TAS1R2: variants seen among roughly 807,000 people sequenced by gnomAD.
The protein encoded by TAS1R2 is taste receptor type 1 member 2.
TAS1R2 carries 47 observed loss-of-function variants against 49.3 expected under a neutral mutation model. That is an observed-to-expected ratio of 0.95 (90% CI 0.75 to 1.22). TAS1R2 has a LOEUF of 1.22. TAS1R2 is among the 50% of genes most tolerant of loss of function. The probability of loss-of-function intolerance (pLI) is 0.00; values close to 1 mark genes in which losing one functional copy is unlikely to be tolerated. For missense variants in TAS1R2, 1,155 were observed against 1,122.1 expected (o/e 1.03, Z -0.42); for synonymous variants, 479 against 467.9 (o/e 1.02, Z -0.31).
At chr1:18,853,026 T>G (rs1472032739) in intron 3 of TAS1R2, among the ~76,000 whole-genome samples, 1 of 152,204 alleles carries the variant, frequency 6.6e-6, no homozygotes, top group Non-Finnish European at 1.5e-5. Context: ...TCAACTGTCT[T>G]TCATCATAGC....
At chr1:18,848,048 T>C (rs28568913) in intron 4 of TAS1R2, among the ~76,000 whole-genome samples, 63,216 of 152,032 alleles carry the variant, frequency 0.42, 13,460 homozygotes, top group East Asian at 0.55. Flanking sequence ...TATCTCACAC[T>C]GGATCCCTCT....
rs139685223 is a variant in TAS1R2 at position 18,859,621 on chromosome 1, G to C, written c.40C>G (p.Leu14Val). 1.8e-4 allele frequency: 288 copies of C among 1,614,128 alleles called. 2 individuals carry two copies. Among genetic ancestry groups the C allele is most frequent in the Middle Eastern group, 1.6e-4 (1 of 6,084 alleles). Residue 14 changes from leucine (L) to valine (V), a missense_variant, in exon 1 of 6, where the codon CTC (leucine) becomes GTC (valine). Leu to Val is a conservative substitution (Grantham distance 32, BLOSUM62 1). Transcript: ENST00000375371. ...GCCGGCTCAGCCAGGACCCATAGGAGGAAGAACAGGGAGGAGATGGTCTTT... is the reference window on the plus strand; with the variant it reads ...GCCGGCTCAGCCAGGACCCATAGGACGAAGAACAGGGAGGAGATGGTCTTT...
At chr1:18,846,466 G>A (rs1933922029) in intron 4 of TAS1R2, among the ~76,000 whole-genome samples, 1 of 152,160 alleles carries the variant, frequency 6.6e-6, no homozygotes, top group Admixed American at 6.5e-5. Flanking sequence ...CATGTATCAT[G>A]TCCTGGAATA....
chr1:18,854,725 T>C lies in TAS1R2; in HGVS notation c.745A>G (p.Met249Val), dbSNP rs1291858960. Residue 249 changes from methionine to valine, a missense_variant, in exon 3 of 6, where the codon ATG becomes GTG. By Grantham distance (21) the Met-to-Val change is conservative (BLOSUM62 1). Transcript: ENST00000375371. This position sits in a 1 kb window ranked among gnomAD's most constrained non-coding sequence, Gnocchi z 4.9. Reference sequence around the variant, plus strand: ...AGGCGCTGGCGCTCCTCTGACGTCATGTTCTGGTTGGGCTGCAGTGTGGGC... The same window carrying C: ...AGGCGCTGGCGCTCCTCTGACGTCACGTTCTGGTTGGGCTGCAGTGTGGGC... 3 of 1,612,922 alleles carry C rather than the reference T, an allele frequency of 1.9e-6. No homozygotes were observed. The highest frequency in any genetic ancestry group is 2.2e-5 in the South Asian group (2 of 91,042).
At chr1:18,844,742 A>G (rs1933885698) in intron 4 of TAS1R2, among the ~76,000 whole-genome samples, 1 of 135,942 alleles carries the variant, frequency 7.4e-6, no homozygotes, top group Admixed American at 7.6e-5. Context: ...CGACAGAGCG[A>G]GACTGTCTCA....
At chr1:18,842,597 A>T (rs983788341) in intron 4 of TAS1R2, among the ~76,000 whole-genome samples, 2 of 152,246 alleles carry the variant, frequency 1.3e-5, no homozygotes, top group African/African-American at 4.8e-5. Context: ...AAATTAAACA[A>T]CATACCCTTA....
intron 4 of TAS1R2, among the ~76,000 whole-genome samples, chr1:18,842,759 A>G (rs558273486): frequency 1.9e-4 from 29 of 152,362 alleles, no homozygotes; most frequent in African/African-American, 5.1e-4. Context: ...TCATAGAAAC[A>G]TAAAGTAGAA....
At chr1:18,840,605 A>G (rs1933805800) in intron 5 of TAS1R2, 78 bp from the exon 6 acceptor site, 1 of 1,501,538 alleles carries the variant, frequency 6.7e-7, no homozygotes, top group Non-Finnish European at 9.2e-7. Context: ...GCACAGGGCC[A>G]GGCTCCAGGG....
rs773306695 is a variant in TAS1R2, at chr1:18,840,445, GA to G, written c.1673del (p.Phe558SerfsTer28). The G allele has an allele frequency of 3.7e-6, 6 of 1,614,088 alleles. No homozygotes were observed. Among genetic ancestry groups the G allele is most frequent in the Non-Finnish European group, 3.4e-6 (4 of 1,180,050 alleles). On this transcript the variant is annotated frameshift_variant, in exon 6 of 6. Coordinates refer to ENST00000375371, the Ensembl canonical transcript of TAS1R2. LOFTEE classifies it low-confidence loss of function (END_TRUNC). Reference sequence around the variant, plus strand: ...TGGTGGGTGCCTCATGCCATTCCAGGAAGACCAGCTGCCGCTTGAAGCAGGA... The same window carrying G: ...TGGTGGGTGCCTCATGCCATTCCAGGAGACCAGCTGCCGCTTGAAGCAGGA...
intron 3 of TAS1R2, among the ~76,000 whole-genome samples, chr1:18,852,979 G>A (rs974951417): frequency 2.0e-5 from 3 of 152,230 alleles, no homozygotes; most frequent in Admixed American, 2.0e-4. Flanking sequence ...GCTATGATTG[G>A]TGCCCTTTGG....
intron 4 of TAS1R2, among the ~76,000 whole-genome samples, chr1:18,847,670 AAG>A (rs1443527015): frequency 6.6e-6 from 1 of 152,144 alleles, no homozygotes; most frequent in Non-Finnish European, 1.5e-5. Context: ...CTACTCTCTA[AAG>A]AGGGTAAAAT....
chr1:18,850,835 G>A (rs1934009219), intron 3 of TAS1R2, among the ~76,000 whole-genome samples: 1 of 152,194 alleles, frequency 6.6e-6, no homozygotes, highest in Non-Finnish European at 1.5e-5. Flanking sequence ...AGCATAAGCT[G>A]TACATTTAAG....
rs756284683 is a variant in TAS1R2 at position 18,854,323 on chromosome 1, G to A, written c.1147C>T (p.Arg383Cys). The change falls in exon 3 of 6, where the codon CGT becomes TGT. Residue 383 changes from arginine (R) to cysteine (C), a missense_variant. By Grantham distance (180) the Arg-to-Cys change is radical. Coordinates refer to ENST00000375371, the Ensembl canonical transcript of TAS1R2. The surrounding 1 kb of genome is among the most constrained non-coding windows in gnomAD (Gnocchi z 4.9). ...GCAGAGTACACGCTGTAGACGACAC[G>A]CTCCCCAGAGAGCCTGAGAATGGTG... The A allele has an allele frequency of 6.2e-6, 10 of 1,613,858 alleles. No homozygotes were observed. Among genetic ancestry groups the A allele is most frequent in the Middle Eastern group, 1.6e-4 (1 of 6,084 alleles).
In TAS1R2 at chr1:18,854,340, A is replaced by T; in HGVS notation, c.1130T>A (p.Leu377His). Residue 377 changes from leucine to histidine, a missense_variant, in exon 3 of 6, where the codon CTC becomes CAC. Coordinates refer to ENST00000375371, the Ensembl canonical transcript of TAS1R2. This position sits in a 1 kb window ranked among gnomAD's most constrained non-coding sequence, Gnocchi z 4.9. ...GACGACACGCTCCCCAGAGAGCCTGAGAATGGTGTTGAAGGACAAGGTGGC... is the reference window on the plus strand; with the variant it reads ...GACGACACGCTCCCCAGAGAGCCTGTGAATGGTGTTGAAGGACAAGGTGGC... 1.2e-6 allele frequency: 2 copies of T among 1,613,966 alleles called. No individual in the cohort carries two copies. The highest frequency in any genetic ancestry group is 1.7e-6 in the Non-Finnish European group (2 of 1,179,906).
At chr1:18,853,951 G>C (rs1420718941) in intron 3 of TAS1R2, among the ~76,000 whole-genome samples, 1 of 152,106 alleles carries the variant, frequency 6.6e-6, no homozygotes, top group Non-Finnish European at 1.5e-5. Context: ...TGGAGAGACT[G>C]GGGGAGGGGG....
At chr1:18,850,675 C>A (rs1934005192) in intron 3 of TAS1R2, among the ~76,000 whole-genome samples, 1 of 152,266 alleles carries the variant, frequency 6.6e-6, no homozygotes, top group African/African-American at 2.4e-5. Context: ...TCCAAGATAT[C>A]ACCCCCAAGG....
At chr1:18,856,912 C>T (rs1934145073) in intron 2 of TAS1R2, among the ~76,000 whole-genome samples, 3 of 152,232 alleles carry the variant, frequency 2.0e-5, no homozygotes, top group Admixed American at 2.0e-4. Context: ...ATACTAAGCA[C>T]TTCAAGTTTT....
In TAS1R2 at chr1:18,854,094, G is replaced by A; in HGVS notation, c.1257+119C>T. ...GCAATTTTGTTTTGGCACCAGGAAG[G>A]ACTAGTGCTATGTGTCTGGAAGAAT... On this transcript the variant is annotated intron_variant, in intron 3 of 5. Transcript: ENST00000375371. This position sits in a 1 kb window ranked among gnomAD's most constrained non-coding sequence, Gnocchi z 4.9. The A allele has an allele frequency of 1.0e-6, 1 of 973,624 alleles. No homozygotes were observed. Among genetic ancestry groups the A allele is most frequent in the South Asian group, 1.7e-5 (1 of 57,976 alleles). 60.3% of individuals were successfully genotyped at this position (973,624 alleles called of 1,614,324 possible).
At chr1:18,850,194 G>T (rs1270223625) in intron 3 of TAS1R2, among the ~76,000 whole-genome samples, 1 of 152,118 alleles carries the variant, frequency 6.6e-6, no homozygotes, top group Non-Finnish European at 1.5e-5. Flanking sequence ...GGCATCCTCC[G>T]ACCTAAAGTC....
Sources: allele counts gnomAD v4.1 joint callset (sites outside exome capture counted in the v4.1 genomes callset), GRCh38; gene constraint gnomAD v4.1.1; non-coding constraint Gnocchi (gnomAD v3.1); transcripts MANE v1.5; gene names NCBI Gene and HGNC (gene_info 2026-07-23, HGNC 2026-07-21).